LINGO2: variants seen among roughly 807,000 people sequenced by gnomAD.
The protein encoded by LINGO2 is leucine-rich repeat and immunoglobulin-like domain-containing nogo receptor-interacting protein 2.
In LINGO2, 14 loss-of-function variants were observed where a neutral mutation model predicts 30.6. The ratio of observed to expected loss-of-function variants is 0.46; its 90% CI spans 0.30 to 0.72. The LOEUF (loss-of-function observed/expected upper bound fraction) is 0.72. Ranked by LOEUF, LINGO2 falls within the 30% of genes least tolerant of loss-of-function variation. LINGO2 has a pLI of 0.07. For missense variants in LINGO2, 729 were observed against 751.7 expected, an observed-to-expected ratio of 0.97 and a Z score of 0.35; for synonymous variants, 317 against 288.5, an observed-to-expected ratio of 1.10 and a Z score of -1.00.
In LINGO2 at chr9:28,663,875, T is replaced by C. The variant is rs535742303; in HGVS notation, c.-365+6325A>G. Among the ~76,000 whole-genome samples the C allele has an allele frequency of 3.3e-5, 5 of 151,722 alleles. No homozygotes were observed. The East Asian group carries it at 9.7e-4, about 29-fold the overall frequency. The stretch of plus-strand genomic sequence containing the variant: ...GTTGAGTTGAGATAAACACGAAAAG[T>C]GGACCAATATTCCTGGAAGAATCAA... On this transcript the variant is annotated intron_variant, in intron 1 of 5. Transcript: ENST00000379992.
At chr9:28,575,396 C>CAAA (rs3065643) in intron 1 of LINGO2, among the ~76,000 whole-genome samples, 2 of 141,220 alleles carry the variant, frequency 1.4e-5, no homozygotes, top group African/African-American at 5.3e-5. Context: ...GACTCCGTCT[C>CAAA]AAAAAAAAAA....
At chr9:28,338,197 G>A (rs557871986) in intron 3 of LINGO2, among the ~76,000 whole-genome samples, 5 of 152,282 alleles carry the variant, frequency 3.3e-5, no homozygotes, top group African/African-American at 9.6e-5. Flanking sequence ...AGGAGTCAAA[G>A]GAGTTTAGTT....
At chr9:28,593,003 T>C (rs575826357) in intron 1 of LINGO2, among the ~76,000 whole-genome samples, 15 of 152,182 alleles carry the variant, frequency 9.9e-5, no homozygotes, top group African/African-American at 3.4e-4. Context: ...CTCAGCCATA[T>C]TGGGTGGAAT....
the LINGO2 span, among the ~76,000 whole-genome samples, chr9:28,989,585 T>C: frequency 6.6e-6 from 1 of 152,194 alleles, no homozygotes; most frequent in Non-Finnish European, 1.5e-5. Flanking sequence ...TTTAGGAGCC[T>C]GTGTTACAGA....
At chr9:29,004,773 C>CAA in the LINGO2 span, among the ~76,000 whole-genome samples, 1 of 151,836 alleles carries the variant, frequency 6.6e-6, no homozygotes, top group South Asian at 2.1e-4. Context: ...CACACACACA[C>CAA]ACAAAACATC....
In LINGO2 at chr9:28,045,170, C is replaced by CA. The variant is rs879488356; in HGVS notation, c.-86-32766dup. Reference sequence around the variant, plus strand: ...CGGTCCATTCCCACCACTACCCCTCCAAAAAAAACCCACACACACACAAAC... The same window carrying CA: ...CGGTCCATTCCCACCACTACCCCTCCAAAAAAAAACCCACACACACACAAAC... On this transcript the variant is annotated intron_variant, in intron 4 of 5. Coordinates refer to ENST00000379992, the Ensembl canonical transcript of LINGO2. 9.5e-4 allele frequency among the ~76,000 whole-genome samples: 144 copies of CA among 151,428 alleles called. 1 individual carries two copies. Among genetic ancestry groups the CA allele is most frequent in the Non-Finnish European group, 1.5e-3 (99 of 67,842 alleles).
chr9:28,672,190 T>C (rs193107208), upstream of LINGO2, among the ~76,000 whole-genome samples: 291 of 152,246 alleles, frequency 1.9e-3, 3 homozygotes, highest in South Asian at 1.2e-3. Context: ...AGCATTCATA[T>C]GTGCAGAATA....
intron 4 of LINGO2, among the ~76,000 whole-genome samples, chr9:28,202,839 A>G (rs1265179194): frequency 6.6e-6 from 1 of 152,278 alleles, no homozygotes; most frequent in East Asian, 1.9e-4. Flanking sequence ...GCACAAACTG[A>G]CATTCTCAAA....
chr9:29,150,985 AT>A, the LINGO2 span, among the ~76,000 whole-genome samples: 3 of 152,046 alleles, frequency 2.0e-5, no homozygotes, highest in Admixed American at 6.5e-5. Context: ...AACAAAAAAA[AT>A]ATATATATTA....
At chr9:28,213,855 G>T (rs1820676352) in intron 4 of LINGO2, among the ~76,000 whole-genome samples, 1 of 151,212 alleles carries the variant, frequency 6.6e-6, no homozygotes, top group Non-Finnish European at 1.5e-5. Flanking sequence ...TTGCTCGATG[G>T]AAAAAATGGC....
chr9:28,299,429 C>T (rs1824051007), intron 3 of LINGO2, among the ~76,000 whole-genome samples: 1 of 150,014 alleles, frequency 6.7e-6, no homozygotes, highest in Non-Finnish European at 1.5e-5. Flanking sequence ...ATTTATTATT[C>T]ACAAAATTAT....
chr9:28,386,014 A>G (rs568331837), intron 2 of LINGO2, among the ~76,000 whole-genome samples: 3 of 152,302 alleles, frequency 2.0e-5, no homozygotes, highest in African/African-American at 7.2e-5. Flanking sequence ...TTTGAGAGGA[A>G]TATCAACAAG....
intron 3 of LINGO2, among the ~76,000 whole-genome samples, chr9:28,366,660 A>G (rs1820688506): frequency 6.6e-6 from 1 of 151,784 alleles, no homozygotes; most frequent in African/African-American, 2.4e-5. Context: ...TACAACAAAT[A>G]TACAAATAAA....
At chr9:29,055,821 T>C in the LINGO2 span, among the ~76,000 whole-genome samples, 10 of 152,084 alleles carry the variant, frequency 6.6e-5, no homozygotes, top group South Asian at 1.9e-3. Flanking sequence ...GATGTTTGTT[T>C]TTCCATTCTT....
At chr9:28,943,901 C>T in the LINGO2 span, among the ~76,000 whole-genome samples, 15 of 152,104 alleles carry the variant, frequency 9.9e-5, no homozygotes, top group Non-Finnish European at 1.9e-4. Context: ...AGATTAACTT[C>T]GTAAAGGAAC....
chr9:28,429,898 C>A (rs1289112392), intron 2 of LINGO2, among the ~76,000 whole-genome samples: 1 of 151,954 alleles, frequency 6.6e-6, no homozygotes, highest in Non-Finnish European at 1.5e-5. Flanking sequence ...ATGAGATTTG[C>A]AGTTCAGTTT....
chr9:29,172,306 T>C, the LINGO2 span, among the ~76,000 whole-genome samples: 6 of 150,410 alleles, frequency 4.0e-5, no homozygotes, highest in Admixed American at 4.0e-4. Flanking sequence ...AATATGAACC[T>C]ACCCAAATAG....
chr9:27,982,188 G>A (rs1486149261), intron 5 of LINGO2, among the ~76,000 whole-genome samples: 1 of 151,772 alleles, frequency 6.6e-6, no homozygotes, highest in Non-Finnish European at 1.5e-5. Context: ...AGAGGTCAGA[G>A]GTTTGTCTCT....
chr9:28,775,936 T>C, the LINGO2 span, among the ~76,000 whole-genome samples: 1 of 152,306 alleles, frequency 6.6e-6, no homozygotes, highest in South Asian at 2.1e-4. Context: ...CTCCTTTGCT[T>C]CAAAATCCAG....
Sources: gnomAD v4.1 joint callset for allele counts (sites outside exome capture counted in the v4.1 genomes callset) on GRCh38, gnomAD v4.1.1 for gene constraint, MANE v1.5 for transcripts, NCBI Gene and HGNC (gene_info 2026-07-23, HGNC 2026-07-21) for gene names.